AKAP19: variants seen among roughly 807,000 people sequenced by gnomAD.
AKAP19 encodes small A-kinase anchoring protein.
At chr2:189,895,064 T>C in the AKAP19 span, among the ~76,000 whole-genome samples, 1 of 152,004 alleles carries the variant, frequency 6.6e-6, no homozygotes, top group Non-Finnish European at 1.5e-5. Flanking sequence ...ACTTGAACAC[T>C]ATTTGCAAAA....
the AKAP19 span, among the ~76,000 whole-genome samples, chr2:190,066,012 T>G: frequency 6.6e-6 from 1 of 152,060 alleles, no homozygotes; most frequent in South Asian, 2.1e-4. Context: ...ACTGCATCAT[T>G]AGGGTGAGTG....
the AKAP19 span, among the ~76,000 whole-genome samples, chr2:190,101,724 T>C: frequency 6.6e-6 from 1 of 150,942 alleles, no homozygotes; most frequent in Non-Finnish European, 1.5e-5. Flanking sequence ...ATAAAAAGAC[T>C]TACACAGCCA....
the AKAP19 span, among the ~76,000 whole-genome samples, chr2:190,064,134 T>G: frequency 6.6e-6 from 1 of 152,092 alleles, no homozygotes; most frequent in African/African-American, 2.4e-5. Context: ...GCCTGAAAAG[T>G]TAATGCATTT....
At chr2:190,060,261 C>A in the AKAP19 span, 1 of 1,613,124 alleles carries the variant, frequency 6.2e-7, no homozygotes, top group South Asian at 1.1e-5. Context: ...ATACCTTGTA[C>A]CGTCTTTCAT....
the AKAP19 span, among the ~76,000 whole-genome samples, chr2:190,045,426 C>T: frequency 5.3e-5 from 8 of 151,622 alleles, no homozygotes; most frequent in African/African-American, 1.7e-4. Flanking sequence ...GGTTGAGGCA[C>T]GGCTGAAGGC....
chr2:190,158,138 C>A, the AKAP19 span, among the ~76,000 whole-genome samples: 1 of 152,176 alleles, frequency 6.6e-6, no homozygotes, highest in Non-Finnish European at 1.5e-5. Context: ...CTTGCTTGCT[C>A]AAATCAATCA....
the AKAP19 span, among the ~76,000 whole-genome samples, chr2:189,969,869 C>CTTTTTTT: frequency 5.9e-4 from 65 of 109,922 alleles, no homozygotes; most frequent in African/African-American, 9.8e-4. Context: ...TCTTCTTCTT[C>CTTTTTTT]TTTTTTTTTT....
At chr2:189,973,626 G>T in the AKAP19 span, among the ~76,000 whole-genome samples, 1 of 152,144 alleles carries the variant, frequency 6.6e-6, no homozygotes, top group East Asian at 1.9e-4. Context: ...GACTTTTTTT[G>T]GTTGGTAGGC....
At chr2:190,008,676 G>A in the AKAP19 span, among the ~76,000 whole-genome samples, 1 of 151,780 alleles carries the variant, frequency 6.6e-6, no homozygotes, top group African/African-American at 2.4e-5. Context: ...CCTCCTTTGT[G>A]CTAGATACTT....
the AKAP19 span, among the ~76,000 whole-genome samples, chr2:189,922,847 A>G: frequency 4.7e-4 from 72 of 152,226 alleles, no homozygotes; most frequent in African/African-American, 1.7e-3. Context: ...TGGGGCAAGT[A>G]TGTTTGTTAA....
chr2:190,007,742 C>T, the AKAP19 span, among the ~76,000 whole-genome samples: 6 of 152,144 alleles, frequency 3.9e-5, no homozygotes, highest in African/African-American at 1.2e-4. Flanking sequence ...GGGTGGATTG[C>T]CTGAGCTCAG....
chr2:190,165,234 C>T, the AKAP19 span, among the ~76,000 whole-genome samples: 2 of 151,992 alleles, frequency 1.3e-5, no homozygotes, highest in African/African-American at 2.4e-5. Flanking sequence ...GTCAGGAGTT[C>T]GAGACTAGCC....
chr2:190,191,822 G>A, the AKAP19 span, among the ~76,000 whole-genome samples: 1 of 151,970 alleles, frequency 6.6e-6, no homozygotes, highest in Non-Finnish European at 1.5e-5. Context: ...TTGTTGTCTT[G>A]CTATTGAGTT....
the AKAP19 span, among the ~76,000 whole-genome samples, chr2:189,938,155 G>C: frequency 6.6e-6 from 1 of 152,110 alleles, no homozygotes; most frequent in East Asian, 1.9e-4. Context: ...GGGCAACATG[G>C]TGAACCCCGT....
the AKAP19 span, among the ~76,000 whole-genome samples, chr2:189,941,788 C>T: frequency 6.6e-6 from 1 of 152,172 alleles, no homozygotes; most frequent in South Asian, 2.1e-4. Flanking sequence ...AGAAAATCAA[C>T]AACAAATTGG....
chr2:190,188,091 G>A, the AKAP19 span, among the ~76,000 whole-genome samples: 1 of 152,286 alleles, frequency 6.6e-6, no homozygotes, highest in East Asian at 1.9e-4. Context: ...AGGAGACAGA[G>A]GGAGAGGGAG....
chr2:189,901,171 T>C, the AKAP19 span, among the ~76,000 whole-genome samples: 2 of 152,200 alleles, frequency 1.3e-5, no homozygotes, highest in African/African-American at 4.8e-5. Context: ...TTATGTGCAT[T>C]GAACTTGATG....
the AKAP19 span, among the ~76,000 whole-genome samples, chr2:189,905,701 G>A: frequency 9.9e-5 from 15 of 151,988 alleles, no homozygotes; most frequent in Admixed American, 9.8e-4. Flanking sequence ...TTAGCAGTAC[G>A]AAGCTTTCAT....
At chr2:190,140,722 GGGC>G in the AKAP19 span, among the ~76,000 whole-genome samples, 32 of 152,268 alleles carry the variant, frequency 2.1e-4, no homozygotes, top group Middle Eastern at 6.8e-3. Context: ...GTGATGGGAG[GGGC>G]TGCTGTGAAG....
Sources: allele counts gnomAD v4.1 joint callset (sites outside exome capture counted in the v4.1 genomes callset), GRCh38; gene constraint gnomAD v4.1.1; transcripts MANE v1.5; gene names NCBI Gene and HGNC (gene_info 2026-07-23, HGNC 2026-07-21).